H1-7: variants seen among roughly 807,000 people sequenced by gnomAD.
H1-7 encodes H1.7 linker histone, also known as testis-specific H1 histone.
In H1-7, 1 loss-of-function variant was observed where a neutral mutation model predicts 0.3. That is an observed-to-expected ratio of 3.06 (90% CI 1.09 to 14.53). The LOEUF (loss-of-function observed/expected upper bound fraction) is 14.53, where lower values mean the gene tolerates loss of function less well. Ranked by LOEUF, H1-7 falls within the 30% of genes most tolerant of loss-of-function variation. The probability of loss-of-function intolerance (pLI) is 0.12; values close to 1 mark genes in which losing one functional copy is unlikely to be tolerated. For synonymous variants in H1-7, 177 were observed against 153.2 expected (o/e 1.16, Z -1.15); for missense variants, 393 against 353.1 (o/e 1.11, Z -0.91).
At position 48,329,353 on chromosome 12, in the gene H1-7, C is replaced by T; in HGVS notation, c.62C>T (p.Ala21Val). 1 of 1,607,430 alleles carries T rather than the reference C, an allele frequency of 6.2e-7. No homozygotes were observed. The change falls in exon 1 of 1, where the codon GCC becomes GTC. Residue 21 changes from alanine (A) to valine (V), a missense_variant. Transcript: ENST00000335017. ...SRWPRRGGSG[A>V]MAEAPGPSGE... Reference sequence around the variant, plus strand: ...TGGCCCCGCAGAGGCGGGAGTGGGGCCATGGCTGAGGCGCCTGGGCCCAGT... The same window carrying T: ...TGGCCCCGCAGAGGCGGGAGTGGGGTCATGGCTGAGGCGCCTGGGCCCAGT...
rs1454944343 is a variant in H1-7, at chr12:48,328,994, T to C, written c.-298T>C. 2.9e-6 allele frequency: 1 copy of C among 343,408 alleles called. No individual in the cohort carries two copies. Among genetic ancestry groups the C allele is most frequent in the Non-Finnish European group, 5.3e-6 (1 of 189,520 alleles). The allele number at this position is 343,408 out of a possible 1,614,324, so 21.3% of individuals were successfully genotyped here. ...TTCGCTCACCTTAAGGAACTGTGGG[T>C]AGATGGTTTGCAGGACCACATACAC... On this transcript the variant is annotated 5_prime_UTR_variant, in exon 1 of 1. Transcript: ENST00000335017.
Position 48,329,612 on chromosome 12 carries a change from G to C in H1-7, c.321G>C (p.Thr107=), listed in dbSNP as rs371972219. Reference sequence around the variant, plus strand: ...CGCCCAGGGGGCAGGCCAAGGCCACGCTCCTCCGGGTCAGCGGCAGCGACG... The same window carrying C: ...CGCCCAGGGGGCAGGCCAAGGCCACCCTCCTCCGGGTCAGCGGCAGCGACG... The part of the protein sequence containing the change: ...HEAPRGQAKA[T]LLRVSGSDAA... The change falls in exon 1 of 1, where the codon ACG becomes ACC. Residue 107 remains threonine (T), a synonymous_variant. Coordinates refer to ENST00000335017, the MANE Select transcript of H1-7 (RefSeq NM_181788.1). The C allele has an allele frequency of 9.9e-6, 16 of 1,612,230 alleles. No individual in the cohort carries two copies. Among genetic ancestry groups the C allele is most frequent in the African/African-American group, 2.7e-5 (2 of 74,914 alleles).
rs1184637517 is a variant in H1-7 at position 48,329,147 on chromosome 12, G to C, written c.-145G>C. On this transcript the variant is annotated 5_prime_UTR_variant, in exon 1 of 1. Transcript: ENST00000335017. ...GGACAGGCGCTGAAGACTTGGATTGGTTTAGACCTAGAAGGAAGTGGCATT... is the reference window on the plus strand; with the variant it reads ...GGACAGGCGCTGAAGACTTGGATTGCTTTAGACCTAGAAGGAAGTGGCATT... The C allele has an allele frequency of 3.1e-6, 3 of 958,330 alleles. No individual in the cohort carries two copies. Among genetic ancestry groups the C allele is most frequent in the Non-Finnish European group, 4.6e-6 (3 of 659,228 alleles). The allele number at this position is 958,330 out of a possible 1,614,324, so 59.4% of individuals were successfully genotyped here.
At position 48,329,120 on chromosome 12, in the gene H1-7, G is replaced by A; in HGVS notation, c.-172G>A. On this transcript the variant is annotated 5_prime_UTR_variant, in exon 1 of 1. The change creates a new upstream start codon in the 5' untranslated region. Transcript: ENST00000335017. ...CTCTATAGGTAGGTGACTGTTGGGG[G>A]TGGACAGGCGCTGAAGACTTGGATT... is the stretch of plus-strand genomic sequence containing the variant. The A allele has an allele frequency of 1.4e-6, 1 of 691,910 alleles. No individual in the cohort carries two copies. The highest frequency in any genetic ancestry group is 2.3e-6 in the Non-Finnish European group (1 of 429,992). 42.9% of individuals were successfully genotyped at this position (691,910 alleles called of 1,614,324 possible). A position where few individuals can be genotyped will look rare whatever the true frequency, so the allele number is the denominator to read the frequency against.
Position 48,330,184 on chromosome 12 carries a change from G to C in H1-7, c.*125G>C. On this transcript the variant is annotated 3_prime_UTR_variant, in exon 1 of 1. Coordinates refer to ENST00000335017, the MANE Select transcript of H1-7 (RefSeq NM_181788.1). ...CCAGTTGGGAATGCATCTTGTGGGAGCAGCTTCACTCCCACCACGGACCAA... is the reference window on the plus strand; with the variant it reads ...CCAGTTGGGAATGCATCTTGTGGGACCAGCTTCACTCCCACCACGGACCAA... The C allele has an allele frequency of 9.2e-7, 1 of 1,086,726 alleles. No individual in the cohort carries two copies. The highest frequency in any genetic ancestry group is 2.6e-5 in the East Asian group (1 of 38,544). 67.3% of individuals were successfully genotyped at this position (1,086,726 alleles called of 1,614,324 possible). A position where few individuals can be genotyped will look rare whatever the true frequency, so the allele number is the denominator to read the frequency against.
Position 48,329,226 on chromosome 12 carries a change from C to T in H1-7, c.-66C>T. On this transcript the variant is annotated 5_prime_UTR_variant, in exon 1 of 1. Coordinates refer to ENST00000335017, the MANE Select transcript of H1-7 (RefSeq NM_181788.1). ...CCTCCCCGGGTGAGATATGCCAGCC[C>T]CATAATTAGGACCTGAAAATCTCTG... 1 of 1,456,068 alleles carries T rather than the reference C, an allele frequency of 6.9e-7. No homozygotes were observed. Among genetic ancestry groups the T allele is most frequent in the East Asian group, 2.5e-5 (1 of 40,338 alleles). 90.2% of individuals were successfully genotyped at this position (1,456,068 alleles called of 1,614,324 possible).
Position 48,329,733 on chromosome 12 carries a change from C to T in H1-7, c.442C>T (p.Pro148Ser), listed in dbSNP as rs905028148. The T allele has an allele frequency of 2.5e-6, 4 of 1,604,220 alleles. No individual in the cohort carries two copies. The highest frequency in any genetic ancestry group is 3.4e-6 in the Non-Finnish European group (4 of 1,176,780). Reference protein sequence around the residue: ...EEGTRAPWRTPAAPRSSRRRR... With the variant: ...EEGTRAPWRTSAAPRSSRRRR... Reference sequence around the variant, plus strand: ...GGGCACGCGCGCTCCCTGGAGGACCCCAGCCGCGCCCCGGAGCTCCCGGAG... The same window carrying T: ...GGGCACGCGCGCTCCCTGGAGGACCTCAGCCGCGCCCCGGAGCTCCCGGAG... Residue 148 changes from proline to serine, a missense_variant, in exon 1 of 1, where the codon CCA (proline) becomes TCA (serine). By Grantham distance (74) the Pro-to-Ser change is moderately conservative (BLOSUM62 -1). Transcript: ENST00000335017.
rs368006707 is a variant in H1-7 at position 48,329,563 on chromosome 12, G to A, written c.272G>A (p.Arg91His). The change falls in exon 1 of 1, where the codon CGC becomes CAC. Residue 91 changes from arginine to histidine, a missense_variant. Physicochemically the swap from Arg to His is conservative, Grantham distance 29. Coordinates refer to ENST00000335017, the MANE Select transcript of H1-7 (RefSeq NM_181788.1). ...CTCCGAAACGCCGGCTACGAAGTGC[G>A]CAGGAAGAGCGGCCGCCACGAAGCG... ...KELRNAGYEVRRKSGRHEAPR... is the reference protein window; with the variant it reads ...KELRNAGYEVHRKSGRHEAPR... The A allele has an allele frequency of 5.0e-6, 8 of 1,612,104 alleles. No homozygotes were observed. The highest frequency in any genetic ancestry group is 1.1e-5 in the South Asian group (1 of 90,972).
Position 48,329,886 on chromosome 12 carries a change from C to G in H1-7, c.595C>G (p.Pro199Ala). ...GAGGGCAAGGCCGAGAGCCAAGGAG[C>G]CGCCGTGTGCCAGAGCCAAGGAGGA... The part of the protein sequence containing the change: ...TRRARPRAKE[P>A]PCARAKEEAG... Residue 199 changes from proline (P) to alanine (A), a missense_variant, in exon 1 of 1, where the codon CCG becomes GCG. Transcript: ENST00000335017. The G allele has an allele frequency of 6.3e-7, 1 of 1,589,430 alleles. No individual in the cohort carries two copies. Among genetic ancestry groups the G allele is most frequent in the Non-Finnish European group, 8.6e-7 (1 of 1,168,592 alleles).
Position 48,329,839 on chromosome 12 carries a change from A to G in H1-7, c.548A>G (p.Asn183Ser), listed in dbSNP as rs1189374029. The G allele has an allele frequency of 1.4e-5, 22 of 1,592,048 alleles. No individual in the cohort carries two copies. The highest frequency in any genetic ancestry group is 4.5e-5 in the South Asian group (4 of 88,402). Residue 183 changes from asparagine (N) to serine (S), a missense_variant, in exon 1 of 1, where the codon AAT (asparagine) becomes AGT (serine). Physicochemically the swap from Asn to Ser is conservative, Grantham distance 46. Coordinates refer to ENST00000335017, the MANE Select transcript of H1-7 (RefSeq NM_181788.1). ...RRNARAKAKA[N>S]ARARRTRRAR... ...AACGCGAGGGCGAAAGCCAAGGCCA[A>G]TGCCAGGGCGAGGAGGACCAGGAGG... is the stretch of plus-strand genomic sequence containing the variant.
At position 48,329,484 on chromosome 12, in the gene H1-7, C is replaced by A. The variant is rs1952541191; in HGVS notation, c.193C>A (p.Leu65Ile). Residue 65 changes from leucine to isoleucine, a missense_variant, in exon 1 of 1, where the codon CTC becomes ATC. Transcript: ENST00000335017. ...SSVLRVSQLV[L>I]QAISTHKGLT... ...CGTGCTCAGAGTGTCCCAGTTGGTG[C>A]TCCAGGCCATCTCCACTCACAAAGG... is the stretch of plus-strand genomic sequence containing the variant. 6 of 1,614,000 alleles carry A rather than the reference C, an allele frequency of 3.7e-6. No homozygotes were observed. Among genetic ancestry groups the A allele is most frequent in the Non-Finnish European group, 5.1e-6 (6 of 1,180,008 alleles).
At position 48,329,652 on chromosome 12, in the gene H1-7, A is replaced by G; in HGVS notation, c.361A>G (p.Arg121Gly). ...CGGCAGCGACGCCGCCGGCTACTTC[A>G]GGGTCTGGAAGGTTCCCAAGCCCAG... ...VSGSDAAGYFRVWKVPKPRRK... is the reference protein window; with the variant it reads ...VSGSDAAGYFGVWKVPKPRRK... The change falls in exon 1 of 1, where the codon AGG (arginine) becomes GGG (glycine). Residue 121 changes from arginine (R) to glycine (G), a missense_variant. Coordinates refer to ENST00000335017, the MANE Select transcript of H1-7 (RefSeq NM_181788.1). 1 of 1,611,674 alleles carries G rather than the reference A, an allele frequency of 6.2e-7. No homozygotes were observed. The highest frequency in any genetic ancestry group is 8.5e-7 in the Non-Finnish European group (1 of 1,179,432).
rs148711393 is a variant in H1-7 at position 48,329,335 on chromosome 12, G to A, written c.44G>A (p.Arg15His). 2.1e-5 allele frequency: 34 copies of A among 1,603,598 alleles called. No homozygotes were observed. The highest frequency in any genetic ancestry group is 1.9e-4 in the African/African-American group (14 of 74,916). ...LTGEAQSRWP[R>H]RGGSGAMAEA... ...GGTGAGGCCCAAAGCCGGTGGCCCCGCAGAGGCGGGAGTGGGGCCATGGCT... is the reference window on the plus strand; with the variant it reads ...GGTGAGGCCCAAAGCCGGTGGCCCCACAGAGGCGGGAGTGGGGCCATGGCT... The change falls in exon 1 of 1, where the codon CGC becomes CAC. Residue 15 changes from arginine (R) to histidine (H), a missense_variant. By Grantham distance (29) the Arg-to-His change is conservative. Coordinates refer to ENST00000335017, the MANE Select transcript of H1-7 (RefSeq NM_181788.1).
At position 48,329,252 on chromosome 12, in the gene H1-7, C is replaced by T; in HGVS notation, c.-40C>T. 6.8e-7 allele frequency: 1 copy of T among 1,478,042 alleles called. No homozygotes were observed. Among genetic ancestry groups the T allele is most frequent in the Non-Finnish European group, 9.0e-7 (1 of 1,114,776 alleles). The allele number at this position is 1,478,042 out of a possible 1,614,324, so 91.6% of individuals were successfully genotyped here. A position where few individuals can be genotyped will look rare whatever the true frequency, so the allele number is the denominator to read the frequency against. On this transcript the variant is annotated 5_prime_UTR_variant, in exon 1 of 1. Coordinates refer to ENST00000335017, the MANE Select transcript of H1-7 (RefSeq NM_181788.1). ...CATAATTAGGACCTGAAAATCTCTG[C>T]CAGGCCTGCCTTTGTGACGTGGCCC...
chr12:48,329,203 T>A lies in H1-7; in HGVS notation c.-89T>A. The A allele has an allele frequency of 7.1e-7, 1 of 1,412,632 alleles. No homozygotes were observed. The highest frequency in any genetic ancestry group is 9.4e-7 in the Non-Finnish European group (1 of 1,065,044). 87.5% of individuals were successfully genotyped at this position (1,412,632 alleles called of 1,614,324 possible). A position where few individuals can be genotyped will look rare whatever the true frequency, so the allele number is the denominator to read the frequency against. ...GGTTATTATAAGTGAAAAGGGCCCC[T>A]CCCCGGGTGAGATATGCCAGCCCCA... On this transcript the variant is annotated 5_prime_UTR_variant, in exon 1 of 1. Transcript: ENST00000335017.
rs1359998025 is a variant in H1-7 at position 48,329,631 on chromosome 12, A to G, written c.340A>G (p.Ser114Gly). 1 of 1,611,772 alleles carries G rather than the reference A, an allele frequency of 6.2e-7. No individual in the cohort carries two copies. The highest frequency in any genetic ancestry group is 8.5e-7 in the Non-Finnish European group (1 of 1,179,314). Residue 114 changes from serine to glycine, a missense_variant, in exon 1 of 1, where the codon AGC becomes GGC. By Grantham distance (56) the Ser-to-Gly change is moderately conservative (BLOSUM62 0). Coordinates refer to ENST00000335017, the MANE Select transcript of H1-7 (RefSeq NM_181788.1). ...GGCCACGCTCCTCCGGGTCAGCGGC[A>G]GCGACGCCGCCGGCTACTTCAGGGT... ...AKATLLRVSGSDAAGYFRVWK... is the reference protein window; with the variant it reads ...AKATLLRVSGGDAAGYFRVWK...
At position 48,329,569 on chromosome 12, in the gene H1-7, A is replaced by G. The variant is rs1280196944; in HGVS notation, c.278A>G (p.Lys93Arg). Residue 93 changes from lysine to arginine, a missense_variant, in exon 1 of 1, where the codon AAG becomes AGG. Physicochemically the swap from Lys to Arg is conservative, Grantham distance 26. Transcript: ENST00000335017. The part of the protein sequence containing the change: ...LRNAGYEVRR[K>R]SGRHEAPRGQ... ...AACGCCGGCTACGAAGTGCGCAGGAAGAGCGGCCGCCACGAAGCGCCCAGG... is the reference window on the plus strand; with the variant it reads ...AACGCCGGCTACGAAGTGCGCAGGAGGAGCGGCCGCCACGAAGCGCCCAGG... 6.2e-7 allele frequency: 1 copy of G among 1,611,882 alleles called. No individual in the cohort carries two copies. The highest frequency in any genetic ancestry group is 1.3e-5 in the African/African-American group (1 of 74,952).
At position 48,329,565 on chromosome 12, in the gene H1-7, A is replaced by C; in HGVS notation, c.274A>C (p.Arg92=). Residue 92 remains arginine, a synonymous_variant, in exon 1 of 1, where the codon AGG becomes CGG. Coordinates refer to ENST00000335017, the MANE Select transcript of H1-7 (RefSeq NM_181788.1). ...CCGAAACGCCGGCTACGAAGTGCGC[A>C]GGAAGAGCGGCCGCCACGAAGCGCC... The part of the protein sequence containing the change: ...ELRNAGYEVR[R]KSGRHEAPRG... 6.2e-7 allele frequency: 1 copy of C among 1,612,220 alleles called. No individual in the cohort carries two copies. Among genetic ancestry groups the C allele is most frequent in the East Asian group, 2.2e-5 (1 of 44,864 alleles).
Position 48,329,022 on chromosome 12 carries a change from A to G in H1-7, c.-270A>G, listed in dbSNP as rs976206277. The G allele has an allele frequency of 9.1e-6, 4 of 440,250 alleles. No homozygotes were observed. The highest frequency in any genetic ancestry group is 8.2e-5 in the African/African-American group (4 of 48,808). 27.3% of individuals were successfully genotyped at this position (440,250 alleles called of 1,614,324 possible). A position where few individuals can be genotyped will look rare whatever the true frequency, so the allele number is the denominator to read the frequency against. On this transcript the variant is annotated 5_prime_UTR_variant, in exon 1 of 1. Coordinates refer to ENST00000335017, the MANE Select transcript of H1-7 (RefSeq NM_181788.1). ...ATGGTTTGCAGGACCACATACACAC[A>G]CAAAATAGCCGACTAAAGAAAGCGG...
Sources: gnomAD v4.1 joint callset for allele counts on GRCh38, gnomAD v4.1.1 for gene constraint, MANE v1.5 for transcripts, NCBI Gene and HGNC (gene_info 2026-07-23, HGNC 2026-07-21) for gene names.